The following UCK2 variants were observed in gnomAD, a reference collection of about 807,000 sequenced individuals.
UCK2 encodes uridine-cytidine kinase 2.
Under a neutral mutation model 30.8 loss-of-function variants are expected in UCK2, and 6 were observed. The ratio of observed to expected loss-of-function variants is 0.19; its 90% CI spans 0.11 to 0.38. The LOEUF (loss-of-function observed/expected upper bound fraction) is 0.38. Ranked by LOEUF, UCK2 falls within the 10% of genes least tolerant of loss-of-function variation. The pLI is 1.00. For missense variants in UCK2, 210 were observed against 339.8 expected (o/e 0.62, Z 3.00); for synonymous variants, 125 against 133.6 (o/e 0.94, Z 0.45).
At chr1:165,877,404 C>G (rs1271281290) in intron 1 of UCK2, among the ~76,000 whole-genome samples, 1 of 152,218 alleles carries the variant, frequency 6.6e-6, no homozygotes, top group Non-Finnish European at 1.5e-5. Context: ...TCCATCGCTA[C>G]TGCTGTTTTG....
chr1:165,872,060 C>A (rs1213418683), intron 1 of UCK2, among the ~76,000 whole-genome samples: 1 of 151,126 alleles, frequency 6.6e-6, no homozygotes, highest in Non-Finnish European at 1.5e-5. Flanking sequence ...GCTGCTCTAG[C>A]CAGTTTACTT....
chr1:165,872,469 A>G (rs1047911414), intron 1 of UCK2, among the ~76,000 whole-genome samples: 5 of 152,372 alleles, frequency 3.3e-5, no homozygotes, highest in Admixed American at 1.3e-4. Context: ...GTGAGGGGGA[A>G]ATAGTACATT....
At chr1:165,854,734 C>T (rs760277631) in intron 1 of UCK2, among the ~76,000 whole-genome samples, 4 of 152,060 alleles carry the variant, frequency 2.6e-5, no homozygotes, top group Admixed American at 6.5e-5. Context: ...CAGTCCTTTA[C>T]GCTGAAGCAG....
intron 1 of UCK2, among the ~76,000 whole-genome samples, chr1:165,835,503 A>G (rs1654165881): frequency 6.6e-6 from 1 of 152,074 alleles, no homozygotes; most frequent in African/African-American, 2.4e-5. Context: ...ACTGGGCCCC[A>G]TCACATATTT....
intron 1 of UCK2, among the ~76,000 whole-genome samples, chr1:165,873,291 C>G (rs1249415643): frequency 6.6e-6 from 1 of 152,198 alleles, no homozygotes; most frequent in African/African-American, 2.4e-5. Context: ...CTTCACCCCT[C>G]ACTGGAGGAA....
chr1:165,902,903 T>C (rs1207286804), intron 4 of UCK2: 1 of 259,492 alleles, frequency 3.9e-6, no homozygotes, highest in African/African-American at 2.2e-5. Context: ...TTGGAGCAAA[T>C]GTTGCTTGAA....
intron 1 of UCK2, among the ~76,000 whole-genome samples, chr1:165,876,482 C>T (rs1655340051): frequency 6.6e-6 from 1 of 152,076 alleles, no homozygotes; most frequent in South Asian, 2.1e-4. Context: ...AAAAATTCTG[C>T]AGGACAAGTT....
At chr1:165,869,640 A>C (rs1013876721) in intron 1 of UCK2, among the ~76,000 whole-genome samples, 2 of 149,000 alleles carry the variant, frequency 1.3e-5, no homozygotes, top group Admixed American at 1.3e-4. Flanking sequence ...TGGGTATGAA[A>C]GAGAATCTCA....
At chr1:165,840,064 G>A (rs1188844259) in intron 1 of UCK2, among the ~76,000 whole-genome samples, 2 of 152,192 alleles carry the variant, frequency 1.3e-5, no homozygotes, top group African/African-American at 2.4e-5. Flanking sequence ...GACTACAGGC[G>A]TGTGCCACCA....
chr1:165,888,367 C>T (rs1655675378), intron 1 of UCK2, among the ~76,000 whole-genome samples: 2 of 151,982 alleles, frequency 1.3e-5, no homozygotes, highest in African/African-American at 4.8e-5. Context: ...TCTCAGCTGA[C>T]TGCAACCTTT....
intron 1 of UCK2, among the ~76,000 whole-genome samples, chr1:165,857,498 G>T (rs538884475): frequency 6.6e-6 from 1 of 152,322 alleles, no homozygotes; most frequent in South Asian, 2.1e-4. Flanking sequence ...ATTGCCTGGG[G>T]TAGGGAGTTG....
At chr1:165,868,981 G>A (rs2101869307) in intron 1 of UCK2, among the ~76,000 whole-genome samples, 1 of 152,226 alleles carries the variant, frequency 6.6e-6, no homozygotes, top group African/African-American at 2.4e-5. Flanking sequence ...ACACTTAGAG[G>A]CCATTGTAGG....
At chr1:165,895,505 A>G (rs1191366063) in intron 3 of UCK2, 7 of 985,422 alleles carry the variant, frequency 7.1e-6, no homozygotes, top group Non-Finnish European at 8.4e-6. Context: ...GGATGAGGTC[A>G]TGCATATTTC....
At chr1:165,887,875 T>C (rs1012272473) in intron 1 of UCK2, among the ~76,000 whole-genome samples, 1 of 152,206 alleles carries the variant, frequency 6.6e-6, no homozygotes, top group Non-Finnish European at 1.5e-5. Context: ...TTCTGTGATA[T>C]TTTGGGGCAT....
chr1:165,863,127 G>C (rs1193765561), intron 1 of UCK2, among the ~76,000 whole-genome samples: 1 of 152,196 alleles, frequency 6.6e-6, no homozygotes, highest in Non-Finnish European at 1.5e-5. Context: ...CCCGTGCCAG[G>C]TGCCAGGTGT....
intron 1 of UCK2, among the ~76,000 whole-genome samples, chr1:165,868,262 A>G (rs966483824): frequency 4.0e-5 from 6 of 151,384 alleles, no homozygotes; most frequent in Non-Finnish European, 1.5e-5. Flanking sequence ...TGGAGCATAC[A>G]AGGGCCTTAG....
At chr1:165,836,210 A>G (rs1654184553) in intron 1 of UCK2, among the ~76,000 whole-genome samples, 4 of 152,116 alleles carry the variant, frequency 2.6e-5, no homozygotes, top group Admixed American at 6.5e-5. Context: ...CCTGGGCGAC[A>G]AGAGCAAGAC....
intron 1 of UCK2, among the ~76,000 whole-genome samples, chr1:165,867,253 T>C (rs1199613989): frequency 2.6e-5 from 4 of 152,230 alleles, no homozygotes; most frequent in Admixed American, 6.5e-5. Flanking sequence ...GCTGGTGGAG[T>C]GTCTTGCCTC....
intron 1 of UCK2, among the ~76,000 whole-genome samples, chr1:165,878,327 CTT>C (rs1655391667): frequency 7.1e-6 from 1 of 140,474 alleles, no homozygotes; most frequent in Admixed American, 7.1e-5. Flanking sequence ...CAGCTCATTT[CTT>C]TCTTTCTTTT....
Sources: gnomAD v4.1 joint callset for allele counts (sites outside exome capture counted in the v4.1 genomes callset) on GRCh38, gnomAD v4.1.1 for gene constraint, MANE v1.5 for transcripts, NCBI Gene and HGNC (gene_info 2026-07-23, HGNC 2026-07-21) for gene names.